The following POU6F2 variants were observed in gnomAD, a reference collection of about 807,000 sequenced individuals.
POU6F2 encodes POU domain, class 6, transcription factor 2.
Under a neutral mutation model 71.3 loss-of-function variants are expected in POU6F2, and 31 were observed. The ratio of observed to expected loss-of-function variants is 0.43; its 90% CI spans 0.33 to 0.59. POU6F2 has a LOEUF of 0.59. Among genes scored for constraint, POU6F2 ranks in the 20% least tolerant of loss-of-function variants. POU6F2 has a pLI of 0.04. For missense variants in POU6F2, 783 were observed against 856.8 expected (o/e 0.91, Z 1.07); for synonymous variants, 347 against 355.7 (o/e 0.98, Z 0.27).
intron 4 of POU6F2, among the ~76,000 whole-genome samples, chr7:39,236,962 A>G (rs1241553381): frequency 6.6e-6 from 1 of 152,218 alleles, no homozygotes; most frequent in African/African-American, 2.4e-5. Context: ...GAGAATTGGA[A>G]GATATAAAGA....
At chr7:39,445,276 C>A (rs1374029395) in intron 7 of POU6F2, among the ~76,000 whole-genome samples, 1 of 152,164 alleles carries the variant, frequency 6.6e-6, no homozygotes, top group Non-Finnish European at 1.5e-5. Context: ...GGCATTCCCA[C>A]CCACAAGGGA....
At chr7:39,018,035 C>T (rs1789601370) in intron 1 of POU6F2, among the ~76,000 whole-genome samples, 1 of 152,082 alleles carries the variant, frequency 6.6e-6, no homozygotes, top group South Asian at 2.1e-4. Flanking sequence ...ACGGTGATAG[C>T]AGGTATCTTT....
intron 4 of POU6F2, 142 bp from the exon 5 acceptor site, chr7:39,339,500 T>A (rs1490839589): frequency 5.3e-5 from 68 of 1,278,138 alleles, no homozygotes; most frequent in Non-Finnish European, 7.1e-5. Flanking sequence ...CACAACACTC[T>A]TAAATACCAA....
At chr7:39,017,100 T>C (rs1562671919) in intron 1 of POU6F2, among the ~76,000 whole-genome samples, 1 of 152,224 alleles carries the variant, frequency 6.6e-6, no homozygotes. Flanking sequence ...TATGTAACTA[T>C]GAGTTCCTTG....
At chr7:39,348,591 AGTCT>A (rs2115658699) in intron 5 of POU6F2, among the ~76,000 whole-genome samples, 1 of 152,340 alleles carries the variant, frequency 6.6e-6, no homozygotes, top group Admixed American at 6.5e-5. Context: ...TTCCAGATCT[AGTCT>A]GTCTGACTTC....
intron 4 of POU6F2, among the ~76,000 whole-genome samples, chr7:39,279,738 T>TA (rs1281014206): frequency 6.7e-6 from 1 of 149,784 alleles, no homozygotes; most frequent in Non-Finnish European, 1.5e-5. Context: ...TTTTCCCTTT[T>TA]ATTTTATTTA....
chr7:39,288,033 G>C (rs375693770), intron 4 of POU6F2, among the ~76,000 whole-genome samples: 5 of 152,258 alleles, frequency 3.3e-5, no homozygotes, highest in East Asian at 3.9e-4. Flanking sequence ...GAAGGGGCTT[G>C]GTTCGTAGCA....
At chr7:39,183,999 G>C (rs916306036) in intron 2 of POU6F2, among the ~76,000 whole-genome samples, 1 of 152,218 alleles carries the variant, frequency 6.6e-6, no homozygotes, top group African/African-American at 2.4e-5. Flanking sequence ...AGGTCCGTAA[G>C]TCCAGGCTGA....
chr7:39,180,658 G>T (rs756693781), intron 2 of POU6F2, among the ~76,000 whole-genome samples: 1 of 152,088 alleles, frequency 6.6e-6, no homozygotes, highest in African/African-American at 2.4e-5. Flanking sequence ...TCATGCAGGC[G>T]CTTAGGACCC....
chr7:39,420,653 T>G (rs1583589317), intron 6 of POU6F2, among the ~76,000 whole-genome samples: 1 of 152,218 alleles, frequency 6.6e-6, no homozygotes, highest in African/African-American at 2.4e-5. Flanking sequence ...TTTTAAATTC[T>G]GAGTTATGGA....
At chr7:39,212,946 G>A (rs1340852598) in intron 4 of POU6F2, among the ~76,000 whole-genome samples, 1 of 152,182 alleles carries the variant, frequency 6.6e-6, no homozygotes, top group Non-Finnish European at 1.5e-5. Flanking sequence ...CGATGTGAGT[G>A]ACAACAGGCA....
rs1429368042 is a variant in POU6F2, at chr7:39,394,173, T to G, written c.973-12427T>G. On this transcript the variant is annotated intron_variant, in intron 5 of 9. Coordinates refer to ENST00000518318, the MANE Select transcript of POU6F2 (RefSeq NM_001370959.1). Reference sequence around the variant, plus strand: ...TCCTTTATAAAATCACAGCTCAGTCTTAACACGTGCACCCAGCCATGGGGG... The same window carrying G: ...TCCTTTATAAAATCACAGCTCAGTCGTAACACGTGCACCCAGCCATGGGGG... Among the ~76,000 whole-genome samples, 3 of 152,256 alleles carry G rather than the reference T, an allele frequency of 2.0e-5. No individual in the cohort carries two copies. The East Asian group carries it at 5.8e-4, about 29-fold the overall frequency.
At chr7:39,122,218 G>A (rs148834667) in intron 2 of POU6F2, among the ~76,000 whole-genome samples, 308 of 152,254 alleles carry the variant, frequency 2.0e-3, no homozygotes, top group Non-Finnish European at 3.4e-3. Context: ...CCTTTAAGTC[G>A]TGAGCTTAAC....
At chr7:39,381,342 ATTC>A (rs1303477882) in intron 5 of POU6F2, among the ~76,000 whole-genome samples, 7 of 152,144 alleles carry the variant, frequency 4.6e-5, no homozygotes, top group Non-Finnish European at 7.4e-5. Flanking sequence ...GGTTCAAGCT[ATTC>A]TTGTGCTTCA....
intron 5 of POU6F2, among the ~76,000 whole-genome samples, chr7:39,350,004 C>T (rs1786109810): frequency 6.6e-6 from 1 of 152,078 alleles, no homozygotes; most frequent in Admixed American, 6.6e-5. Context: ...GGAGGGGTGC[C>T]CTGCGTTTGT....
At chr7:39,342,368 C>G (rs1251968499) in intron 5 of POU6F2, among the ~76,000 whole-genome samples, 1 of 152,104 alleles carries the variant, frequency 6.6e-6, no homozygotes, top group African/African-American at 2.4e-5. Context: ...AAAGGAATTG[C>G]AAAGATATTT....
At chr7:39,325,713 C>T (rs1045743628) in intron 4 of POU6F2, among the ~76,000 whole-genome samples, 3 of 152,126 alleles carry the variant, frequency 2.0e-5, no homozygotes, top group African/African-American at 7.2e-5. Context: ...TGTCTATAGT[C>T]TAAAAGAAAT....
rs555777525 is a variant in POU6F2 at position 39,260,584 on chromosome 7, A to G, written c.598+52964A>G. ...CACACACATACCACATTCCACACAC[A>G]TACCACATACCACACACACACCATA... On this transcript the variant is annotated intron_variant, in intron 4 of 9. Transcript: ENST00000518318. Among the ~76,000 whole-genome samples, 8 of 150,692 alleles carry G rather than the reference A, an allele frequency of 5.3e-5. No homozygotes were observed. In the South Asian group the frequency reaches 1.7e-3, roughly 32 times the overall value.
intron 1 of POU6F2, among the ~76,000 whole-genome samples, chr7:39,004,722 A>C (rs867568077): frequency 2.0e-5 from 3 of 152,198 alleles, no homozygotes; most frequent in African/African-American, 7.2e-5. Context: ...TAAAAAGTAA[A>C]ATAGGAGAAG....
Sources: allele counts gnomAD v4.1 joint callset (sites outside exome capture counted in the v4.1 genomes callset), GRCh38; gene constraint gnomAD v4.1.1; transcripts MANE v1.5; gene names NCBI Gene and HGNC (gene_info 2026-07-23, HGNC 2026-07-21).